Variants in PRKD1 observed in about 807,000 individuals in gnomAD.
PRKD1 encodes the protein serine/threonine-protein kinase D1.
In PRKD1, 63 loss-of-function variants were observed where a neutral mutation model predicts 95.9. The observed-to-expected ratio is 0.66, with a 90% CI of 0.54 to 0.81. The LOEUF is 0.81. Among genes scored for constraint, PRKD1 ranks in the 30% least tolerant of loss-of-function variants. The pLI is 0.00. For missense variants in PRKD1, 1,048 were observed against 1,165.3 expected (o/e 0.90, Z 1.47); for synonymous variants, 425 against 423.1 (o/e 1.00, Z -0.05).
chr14:29,670,392 G>A (rs1882771287), intron 2 of PRKD1, among the ~76,000 whole-genome samples: 1 of 152,144 alleles, frequency 6.6e-6, no homozygotes, highest in Admixed American at 6.5e-5. Context: ...GAGAGGAATT[G>A]TACAGAATCC....
chr14:29,715,398 T>C (rs907333027), intron 2 of PRKD1, among the ~76,000 whole-genome samples: 8 of 152,088 alleles, frequency 5.3e-5, no homozygotes, highest in Non-Finnish European at 1.2e-4. Context: ...AATGTGGCTA[T>C]TGTGACTTAG....
At chr14:29,891,298 CTTTT>C (rs777239396) in intron 1 of PRKD1, among the ~76,000 whole-genome samples, 1 of 152,130 alleles carries the variant, frequency 6.6e-6, no homozygotes, top group Admixed American at 6.6e-5. Context: ...AATGGAGTGG[CTTTT>C]TTGTTTGTTT....
In PRKD1 at chr14:29,667,937, T is replaced by A. The variant is rs186585004; in HGVS notation, c.404-1729A>T. Among the ~76,000 whole-genome samples the A allele has an allele frequency of 9.2e-5, 14 of 152,228 alleles. No homozygotes were observed. The East Asian group carries it at 2.7e-3, about 29-fold the overall frequency. Reference sequence around the variant, plus strand: ...ATTTATGCTAGGTAAATTTGTTTTTTTTTTTTCTTTCATTTTTTGAAGAGG... The same window carrying A: ...ATTTATGCTAGGTAAATTTGTTTTTATTTTTTCTTTCATTTTTTGAAGAGG... On this transcript the variant is annotated intron_variant, in intron 2 of 17. Coordinates refer to ENST00000331968, the MANE Select transcript of PRKD1 (RefSeq NM_002742.3).
intron 1 of PRKD1, among the ~76,000 whole-genome samples, chr14:29,739,125 T>C (rs1316548899): frequency 6.6e-6 from 1 of 152,186 alleles, no homozygotes; most frequent in Non-Finnish European, 1.5e-5. Context: ...CATGAGCCAC[T>C]GTGTGGCCCC....
chr14:29,672,305 C>A (rs1211651322), intron 2 of PRKD1, among the ~76,000 whole-genome samples: 1 of 151,440 alleles, frequency 6.6e-6, no homozygotes, highest in Non-Finnish European at 1.5e-5. Context: ...CGTGCCACTG[C>A]ACTCCAGCCT....
chr14:29,753,119 G>A (rs1035101107), intron 1 of PRKD1, among the ~76,000 whole-genome samples: 1 of 152,114 alleles, frequency 6.6e-6, no homozygotes, highest in Non-Finnish European at 1.5e-5. Flanking sequence ...AAAAAATTGA[G>A]AGAACCAAGA....
chr14:29,910,609 T>C (rs1387624295), intron 1 of PRKD1, among the ~76,000 whole-genome samples: 1 of 152,178 alleles, frequency 6.6e-6, no homozygotes, highest in Non-Finnish European at 1.5e-5. Context: ...TAGTCTTTCA[T>C]GTAGATAAAA....
intron 1 of PRKD1, among the ~76,000 whole-genome samples, chr14:29,920,022 A>C (rs1358810453): frequency 8.9e-6 from 1 of 112,354 alleles, no homozygotes; most frequent in Non-Finnish European, 1.8e-5. Flanking sequence ...GGAGGGAAGG[A>C]AGGAAGGAAG....
At chr14:29,645,615 G>T (rs1440603780) in intron 4 of PRKD1, among the ~76,000 whole-genome samples, 1 of 152,046 alleles carries the variant, frequency 6.6e-6, no homozygotes, top group East Asian at 1.9e-4. Context: ...GTTTCCTGGG[G>T]CAAATTTTAC....
chr14:29,814,863 G>C (rs938604682), intron 1 of PRKD1, among the ~76,000 whole-genome samples: 3 of 152,062 alleles, frequency 2.0e-5, no homozygotes, highest in Non-Finnish European at 2.9e-5. Flanking sequence ...TAATGACTAA[G>C]CAAAATATAG....
intron 1 of PRKD1, among the ~76,000 whole-genome samples, chr14:29,894,754 T>C (rs1894061601): frequency 6.6e-6 from 1 of 152,192 alleles, no homozygotes; most frequent in Admixed American, 6.5e-5. Flanking sequence ...GTATTGAGAA[T>C]GGTTTCTCAG....
intron 4 of PRKD1, among the ~76,000 whole-genome samples, chr14:29,653,058 G>A (rs376851653): frequency 9.9e-5 from 15 of 152,128 alleles, no homozygotes; most frequent in Non-Finnish European, 2.1e-4. Context: ...TTCTATGAAC[G>A]TATGCAGCCT....
intron 2 of PRKD1, among the ~76,000 whole-genome samples, chr14:29,712,689 T>C (rs1351109802): frequency 2.0e-5 from 3 of 152,172 alleles, no homozygotes; most frequent in East Asian, 3.9e-4. Flanking sequence ...TATTCCTCCA[T>C]ACTGGCATAA....
intron 1 of PRKD1, among the ~76,000 whole-genome samples, chr14:29,781,660 T>A (rs1055667324): frequency 6.6e-6 from 1 of 152,226 alleles, no homozygotes; most frequent in African/African-American, 2.4e-5. Flanking sequence ...CTTTAAAATA[T>A]AAGAGAACCC....
Position 29,622,204 on chromosome 14 carries a change from C to T in PRKD1, c.1905+1948G>A, listed in dbSNP as rs74657933. On this transcript the variant is annotated intron_variant, in intron 13 of 17. Coordinates refer to ENST00000331968, the MANE Select transcript of PRKD1 (RefSeq NM_002742.3). ...AATGCTGCTGCTGTTCTTAAGGAGG[C>T]GGAACACAGAAGATAATGCTTTCTG... 2.7e-3 allele frequency among the ~76,000 whole-genome samples: 408 copies of T among 152,100 alleles called. 2 individuals carry two copies. Among genetic ancestry groups the T allele is most frequent in the African/African-American group, 9.6e-3 (400 of 41,498 alleles).
At chr14:29,856,734 G>T (rs1892520172) in intron 1 of PRKD1, among the ~76,000 whole-genome samples, 2 of 152,088 alleles carry the variant, frequency 1.3e-5, no homozygotes, top group South Asian at 4.2e-4. Context: ...CTGAAGTTTG[G>T]GTACCTAAAA....
At chr14:29,874,753 C>G (rs138297283) in intron 1 of PRKD1, among the ~76,000 whole-genome samples, 1 of 152,096 alleles carries the variant, frequency 6.6e-6, no homozygotes, top group Non-Finnish European at 1.5e-5. Flanking sequence ...AGACAAATTA[C>G]GTATGTTCTC....
At chr14:29,826,626 C>T (rs1384513895) in intron 1 of PRKD1, among the ~76,000 whole-genome samples, 3 of 117,446 alleles carry the variant, frequency 2.6e-5, no homozygotes, top group Admixed American at 1.9e-4. Flanking sequence ...TATACACACA[C>T]ATATATATGT....
intron 16 of PRKD1, among the ~76,000 whole-genome samples, chr14:29,582,156 T>C (rs1306255007): frequency 6.6e-6 from 1 of 152,226 alleles, no homozygotes; most frequent in Admixed American, 6.5e-5. Context: ...TAAATTAACA[T>C]TGACAAATAC....
Sources: allele counts gnomAD v4.1 joint callset (sites outside exome capture counted in the v4.1 genomes callset), GRCh38; gene constraint gnomAD v4.1.1; transcripts MANE v1.5; gene names NCBI Gene and HGNC (gene_info 2026-07-23, HGNC 2026-07-21).